UGCG: variants seen among roughly 807,000 people sequenced by gnomAD.
The protein encoded by UGCG is ceramide glucosyltransferase.
UGCG carries 10 observed loss-of-function variants against 49.5 expected under a neutral mutation model. The observed-to-expected ratio is 0.20, with a 90% CI of 0.12 to 0.34. The LOEUF is 0.34. UGCG is among the 10% of genes least tolerant of loss of function. The pLI, the probability that UGCG is intolerant of heterozygous loss-of-function variation, is 1.00. For missense variants in UGCG, 312 were observed against 483.7 expected (o/e 0.65, Z 3.33); for synonymous variants, 182 against 158.2 (o/e 1.15, Z -1.13).
intron 2 of UGCG, among the ~76,000 whole-genome samples, chr9:111,918,920 G>A (rs1298365744): frequency 2.4e-5 from 3 of 123,878 alleles, no homozygotes; most frequent in African/African-American, 3.3e-5. Flanking sequence ...ACGAGACTCC[G>A]TCTCAAAAAA....
chr9:111,925,169 A>G (rs930257464), intron 4 of UGCG, among the ~76,000 whole-genome samples: 1 of 152,186 alleles, frequency 6.6e-6, no homozygotes, highest in African/African-American at 2.4e-5. Context: ...CCATGGGTGT[A>G]ACTTTTCCCT....
chr9:111,905,337 T>G (rs776758164), intron 1 of UGCG, among the ~76,000 whole-genome samples: 1 of 152,240 alleles, frequency 6.6e-6, no homozygotes, highest in Non-Finnish European at 1.5e-5. Flanking sequence ...AGTGTTATTC[T>G]TTCTTGAACC....
chr9:111,926,468 G>A lies in UGCG; in HGVS notation c.530G>A (p.Arg177Lys). Residue 177 changes from arginine (R) to lysine (K), a missense_variant, in exon 5 of 9, where the codon AGA (arginine) becomes AAA (lysine). Coordinates refer to ENST00000374279, the MANE Select transcript of UGCG (RefSeq NM_003358.3). Reference sequence around the variant, plus strand: ...CACGGGCTGCCTTACGTAGCAGACAGACAGGGCTTTGCTGCCACCTTAGAG... The same window carrying A: ...CACGGGCTGCCTTACGTAGCAGACAAACAGGGCTTTGCTGCCACCTTAGAG... ...LVHGLPYVAD[R>K]QGFAATLEQV... The A allele has an allele frequency of 6.2e-7, 1 of 1,610,560 alleles. No homozygotes were observed. Among genetic ancestry groups the A allele is most frequent in the Non-Finnish European group, 8.5e-7 (1 of 1,177,652 alleles).
At chr9:111,924,325 A>G (rs74649635) in intron 3 of UGCG, among the ~76,000 whole-genome samples, 2,896 of 152,314 alleles carry the variant, frequency 0.019, 46 homozygotes, top group East Asian at 0.063. Context: ...ATGCATTACC[A>G]CACATATTTA....
At chr9:111,923,654 G>A (rs914645623) in intron 3 of UGCG, among the ~76,000 whole-genome samples, 1 of 150,416 alleles carries the variant, frequency 6.6e-6, no homozygotes, top group Non-Finnish European at 1.5e-5. Flanking sequence ...TCTTTGATAC[G>A]AATTTTTTGC....
intron 1 of UGCG, among the ~76,000 whole-genome samples, chr9:111,912,585 T>TA (rs753260287): frequency 0.037 from 5,163 of 138,690 alleles, 126 homozygotes; most frequent in Non-Finnish European, 0.055. Context: ...CTTAAAAAAA[T>TA]AAAAAAAAAA....
intron 3 of UGCG, among the ~76,000 whole-genome samples, chr9:111,924,237 T>A (rs10817240): frequency 0.34 from 51,740 of 152,120 alleles, 9,185 homozygotes; most frequent in Admixed American, 0.42. Context: ...TTGTATATAT[T>A]TTTGGTGTAC....
chr9:111,913,273 G>A (rs372309652), intron 1 of UGCG, among the ~76,000 whole-genome samples: 4 of 152,134 alleles, frequency 2.6e-5, no homozygotes, highest in Admixed American at 2.0e-4. Context: ...AATTACTGTC[G>A]AATGCTTGGA....
chr9:111,925,332 C>G (rs1183029274), intron 4 of UGCG, among the ~76,000 whole-genome samples: 1 of 152,182 alleles, frequency 6.6e-6, no homozygotes, highest in East Asian at 1.9e-4. Flanking sequence ...TAGCAAGAAG[C>G]CTTTCATATA....
At chr9:111,922,237 C>T (rs1838240500) in intron 2 of UGCG, among the ~76,000 whole-genome samples, 1 of 152,138 alleles carries the variant, frequency 6.6e-6, no homozygotes, top group Non-Finnish European at 1.5e-5. Context: ...CAAGGCTAAG[C>T]ATGCATTTCA....
chr9:111,907,758 G>T (rs1837915871), intron 1 of UGCG, among the ~76,000 whole-genome samples: 1 of 151,864 alleles, frequency 6.6e-6, no homozygotes, highest in Non-Finnish European at 1.5e-5. Flanking sequence ...CCGAGTAGCT[G>T]GGATTACAGG....
chr9:111,898,070 TAC>T (rs970536968), intron 1 of UGCG, among the ~76,000 whole-genome samples: 1 of 150,128 alleles, frequency 6.7e-6, no homozygotes, highest in African/African-American at 2.5e-5. Context: ...TCATGAGTCT[TAC>T]ATTCTAGAAG....
intron 6 of UGCG, among the ~76,000 whole-genome samples, chr9:111,930,378 A>G (rs984463894): frequency 4.6e-5 from 7 of 152,200 alleles, no homozygotes; most frequent in Non-Finnish European, 7.3e-5. Context: ...GAAATTTGTC[A>G]GTGAATTATA....
intron 1 of UGCG, 54 bp downstream of exon 1, chr9:111,897,367 A>G: frequency 7.0e-7 from 1 of 1,429,064 alleles, no homozygotes; most frequent in Admixed American, 2.0e-5. Context: ...CCTCGGAGAC[A>G]GGCGAGAATG....
At position 111,934,169 on chromosome 9, in the gene UGCG, T is replaced by G. The variant is rs556644366; in HGVS notation, c.*1172T>G. On this transcript the variant is annotated 3_prime_UTR_variant, in exon 9 of 9. Transcript: ENST00000374279. Reference sequence around the variant, plus strand: ...TTTTGTTTTTGTTTGTTTACTATTATAGTAAGTCTAGTCTTATTTAAATTG... The same window carrying G: ...TTTTGTTTTTGTTTGTTTACTATTAGAGTAAGTCTAGTCTTATTTAAATTG... The G allele has an allele frequency of 6.6e-6, 1 of 151,926 alleles. No homozygotes were observed. Among genetic ancestry groups the G allele is most frequent in the Non-Finnish European group, 1.5e-5 (1 of 67,950 alleles). 9.4% of individuals were successfully genotyped at this position (151,926 alleles called of 1,614,324 possible).
chr9:111,906,315 C>G (rs1053666336), intron 1 of UGCG, among the ~76,000 whole-genome samples: 2 of 152,140 alleles, frequency 1.3e-5, no homozygotes, highest in Non-Finnish European at 2.9e-5. Flanking sequence ...CCTCATTATC[C>G]CTCATTCCCC....
At chr9:111,915,523 T>C (rs542347205) in intron 2 of UGCG, among the ~76,000 whole-genome samples, 1 of 152,336 alleles carries the variant, frequency 6.6e-6, no homozygotes, top group East Asian at 1.9e-4. Flanking sequence ...AATGTGTCTT[T>C]AAGCTTCTAC....
chr9:111,918,868 T>C (rs1838160767), intron 2 of UGCG, among the ~76,000 whole-genome samples: 1 of 146,154 alleles, frequency 6.8e-6, no homozygotes, highest in African/African-American at 2.6e-5. Context: ...GAGCTTGCAG[T>C]GAGCGGAGAT....
intron 1 of UGCG, among the ~76,000 whole-genome samples, chr9:111,898,706 AAT>A (rs1405308994): frequency 6.6e-6 from 1 of 152,166 alleles, no homozygotes; most frequent in Non-Finnish European, 1.5e-5. Context: ...GAATTTATGC[AAT>A]AGAGAGAGAT....
Sources: allele counts gnomAD v4.1 joint callset (sites outside exome capture counted in the v4.1 genomes callset), GRCh38; gene constraint gnomAD v4.1.1; transcripts MANE v1.5; gene names NCBI Gene and HGNC (gene_info 2026-07-23, HGNC 2026-07-21).